SYCE1: variants seen among roughly 807,000 people sequenced by gnomAD.
SYCE1 encodes cancer/testis antigen 76.
In SYCE1, 37 loss-of-function variants were observed where a neutral mutation model predicts 55.1. The ratio of observed to expected loss-of-function variants is 0.67; its 90% confidence interval spans 0.52 to 0.88. SYCE1 has a LOEUF of 0.88. Among genes scored for constraint, SYCE1 ranks in the 40% least tolerant of loss-of-function variants. SYCE1 has a pLI of 0.00. For missense variants in SYCE1, 399 were observed against 416.4 expected (o/e 0.96, Z 0.36); for synonymous variants, 163 against 159.4 (o/e 1.02, Z -0.17).
chr10:133,566,572 G>T (rs1851939718), upstream of SYCE1, among the ~76,000 whole-genome samples: 1 of 120,706 alleles, frequency 8.3e-6, no homozygotes, highest in Admixed American at 8.8e-5. Flanking sequence ...TAGGGGTAGG[G>T]TTTTACGGTT....
rs761924921 is a variant in SYCE1, at chr10:133,555,712, G to A, written c.720-5C>T. 1 of 1,606,586 alleles carries A rather than the reference G, an allele frequency of 6.2e-7. No homozygotes were observed. Among genetic ancestry groups the A allele is most frequent in the Admixed American group, 1.7e-5 (1 of 60,026 alleles). On this transcript the variant is annotated splice_polypyrimidine_tract_variant and splice_region_variant and intron_variant, in intron 10 of 12. Coordinates refer to ENST00000343131, the MANE Select transcript of SYCE1 (RefSeq NM_001143764.3). ...TGCTCTTCCTGAAACAGCTGCCTGG[G>A]GGGCCCAGTAGGGGGTGGTCAGCAC...
At chr10:133,554,197 G>T, downstream of SYCE1, 1 of 1,152,940 alleles carries the variant, frequency 8.7e-7, no homozygotes, top group Non-Finnish European at 1.3e-6. Context: ...GCATCTTAGA[G>T]AACTCGTCTG....
Position 133,555,581 on chromosome 10 carries a change from G to T in SYCE1, c.830+16C>A. The T allele has an allele frequency of 6.2e-7, 1 of 1,602,640 alleles. No homozygotes were observed. On this transcript the variant is annotated intron_variant, in intron 11 of 12. Coordinates refer to ENST00000343131, the MANE Select transcript of SYCE1 (RefSeq NM_001143764.3). ...CTTCCTGGTGGGGGTTGCGGGGACA[G>T]GGCCTCCACACGCACCTCTGCCGCT... is the stretch of plus-strand genomic sequence containing the variant.
chr10:133,558,157 C>T lies in SYCE1; in HGVS notation c.319+10G>A, dbSNP rs116399728. On this transcript the variant is annotated intron_variant, in intron 5 of 12. Coordinates refer to ENST00000343131, the MANE Select transcript of SYCE1 (RefSeq NM_001143764.3). ...AGGCACAAGCCTGGAGACAGGGGAG[C>T]GGCAAATACCTTGTTTTTTGCTCAA... 2.8e-3 allele frequency: 4,480 copies of T among 1,613,986 alleles called. 84 individuals carry two copies. In the African/African-American group the frequency reaches 0.052, roughly 19 times the overall value.
chr10:133,563,763 G>A (rs1320489147), intron 1 of SYCE1, among the ~76,000 whole-genome samples: 1 of 149,156 alleles, frequency 6.7e-6, no homozygotes, highest in East Asian at 2.1e-4. Flanking sequence ...CCTCATTTTG[G>A]TCCCACCTGA....
In SYCE1 at chr10:133,561,627, A is replaced by G. The variant is rs1238743432; in HGVS notation, c.74-1474T>C. Among the ~76,000 whole-genome samples the G allele has an allele frequency of 2.6e-5, 4 of 152,302 alleles. No homozygotes were observed. In the East Asian group the frequency reaches 7.7e-4, roughly 29 times the overall value. ...TCAGCCTAAGACCCATCCCTAGGTA[A>G]GTAACTGAATTGGGGTTTGTCTTGG... On this transcript the variant is annotated intron_variant, in intron 1 of 12. Coordinates refer to ENST00000343131, the MANE Select transcript of SYCE1 (RefSeq NM_001143764.3).
Position 133,555,457 on chromosome 10 carries a change from G to C in SYCE1, c.831-19C>G. On this transcript the variant is annotated intron_variant, in intron 11 of 12. Coordinates refer to ENST00000343131, the MANE Select transcript of SYCE1 (RefSeq NM_001143764.3). ...CTTCAGCCTGGACAGGAAGAGGTAG[G>C]ATGGGGGAAGGAAGAGGAGGAAAGG... is the stretch of plus-strand genomic sequence containing the variant. 1 of 1,613,730 alleles carries C rather than the reference G, an allele frequency of 6.2e-7. No individual in the cohort carries two copies. Among genetic ancestry groups the C allele is most frequent in the Non-Finnish European group, 8.5e-7 (1 of 1,179,944 alleles).
At chr10:133,561,683 T>G (rs1186450543) in intron 1 of SYCE1, among the ~76,000 whole-genome samples, 2 of 152,188 alleles carry the variant, frequency 1.3e-5, no homozygotes, top group African/African-American at 4.8e-5. Flanking sequence ...CAGCTGGTCT[T>G]AATTTTTCCT....
chr10:133,556,469 A>T (rs1278201803), intron 8 of SYCE1: 11 of 540,064 alleles, frequency 2.0e-5, no homozygotes, highest in Non-Finnish European at 3.3e-6. Context: ...CCTGGGGGAC[A>T]AACACGGGCT....
At chr10:133,555,264 C>T in intron 12 of SYCE1, 87 bp downstream of exon 12, 8 of 1,593,038 alleles carry the variant, frequency 5.0e-6, no homozygotes, top group Non-Finnish European at 6.9e-6. Context: ...CTGAGGAGTC[C>T]CAGGACCCCC....
chr10:133,565,683 G>C (rs1364131831), upstream of SYCE1: 4 of 711,512 alleles, frequency 5.6e-6, no homozygotes, highest in Non-Finnish European at 8.8e-6. Flanking sequence ...GCAGGCCTGC[G>C]TGGCACTAGT....
chr10:133,565,732 G>T (rs1452028851), upstream of SYCE1: 2 of 576,800 alleles, frequency 3.5e-6, no homozygotes, highest in East Asian at 3.2e-5. Flanking sequence ...AACGCGGCGG[G>T]AAGCCCGCCA....
At chr10:133,567,847 G>A (rs1346383722), upstream of SYCE1, 1 of 411,692 alleles carries the variant, frequency 2.4e-6, no homozygotes, top group South Asian at 1.8e-5. Flanking sequence ...CCTGGAGCAG[G>A]TGGGGCAGGG....
intron 12 of SYCE1, 43 bp downstream of exon 12, chr10:133,555,308 C>T (rs774321817): frequency 6.2e-7 from 1 of 1,611,222 alleles, no homozygotes; most frequent in Non-Finnish European, 8.5e-7. Context: ...GCTGTCCCTT[C>T]AGTAGCTGTT....
At chr10:133,566,237 G>C (rs942577861), upstream of SYCE1, among the ~76,000 whole-genome samples, 2 of 152,226 alleles carry the variant, frequency 1.3e-5, no homozygotes, top group South Asian at 4.1e-4. Context: ...GCCCTTCACC[G>C]GCCAGGGGAG....
chr10:133,560,322 C>A (rs1207295139), intron 1 of SYCE1, 169 bp from the exon 2 acceptor site: 5 of 561,190 alleles, frequency 8.9e-6, no homozygotes, highest in African/African-American at 7.6e-5. Context: ...GTCAGCTTTT[C>A]CCTATAAGGT....
At chr10:133,554,360 T>C (rs555970090), downstream of SYCE1, 2 of 1,606,118 alleles carry the variant, frequency 1.2e-6, no homozygotes, top group African/African-American at 2.7e-5. Context: ...TTGTCATTAC[T>C]TCAATGCATT....
At chr10:133,562,374 G>T (rs1851837118) in intron 1 of SYCE1, among the ~76,000 whole-genome samples, 1 of 148,366 alleles carries the variant, frequency 6.7e-6, no homozygotes, top group South Asian at 2.2e-4. Flanking sequence ...TGTGTTTTTT[G>T]GGCAAAAGTT....
chr10:133,567,854 AG>A, upstream of SYCE1: 1 of 426,722 alleles, frequency 2.3e-6, no homozygotes, highest in Non-Finnish European at 4.6e-6. Context: ...CAGGTGGGGC[AG>A]GGCCCATGGT....
Sources: gnomAD v4.1 joint callset for allele counts (sites outside exome capture counted in the v4.1 genomes callset) on GRCh38, gnomAD v4.1.1 for gene constraint, MANE v1.5 for transcripts, NCBI Gene and HGNC (gene_info 2026-07-23, HGNC 2026-07-21) for gene names.